IL34: variants seen among roughly 807,000 people sequenced by gnomAD.
IL34 encodes interleukin 34.
In IL34, 17 loss-of-function variants were observed where a neutral mutation model predicts 25.3. The observed-to-expected ratio is 0.67, with a 90% confidence interval of 0.46 to 1.01. IL34 has a LOEUF of 1.01. Among genes scored for constraint, IL34 ranks in the 50% least tolerant of loss-of-function variants. The pLI, the probability that IL34 is intolerant of heterozygous loss-of-function variation, is 0.00. For missense variants in IL34, 368 were observed against 312.9 expected (o/e 1.18, Z -1.33); for synonymous variants, 174 against 140.9 (o/e 1.23, Z -1.66).
chr16:70,660,550 C>G lies in IL34; in HGVS notation c.*363C>G. On this transcript the variant is annotated 3_prime_UTR_variant, in exon 6 of 6. Coordinates refer to ENST00000288098, the MANE Select transcript of IL34 (RefSeq NM_001393494.1). ...GTTGCAGGGGAGACAGCCAGCACGG[C>G]GTGGCCATTCTATGACCCCCCAGCC... The G allele has an allele frequency of 4.8e-6, 1 of 207,522 alleles. No homozygotes were observed. The highest frequency in any genetic ancestry group is 1.7e-3 in the Middle Eastern group (1 of 582). The allele number at this position is 207,522 out of a possible 1,614,324, so 12.9% of individuals were successfully genotyped here.
chr16:70,639,618 G>GGCTTGGGCTTGA (rs11268011), intron 1 of IL34, among the ~76,000 whole-genome samples: 45,140 of 151,626 alleles, frequency 0.3, 6,957 homozygotes, highest in South Asian at 0.46. Context: ...CGTGACGAAG[G>GGCTTGGGCTTGA]GCTTGAGCTT....
chr16:70,639,012 T>A (rs888984683), intron 1 of IL34, among the ~76,000 whole-genome samples: 7 of 152,228 alleles, frequency 4.6e-5, no homozygotes, highest in Non-Finnish European at 8.8e-5. Flanking sequence ...AGTTAGGAAA[T>A]GCTGACTAAG....
chr16:70,659,980 TC>T lies in IL34; in HGVS notation c.539-13del, dbSNP rs1555506755. Reference sequence around the variant, plus strand: ...AACACTGCTGCAGTCTTTTTTTTTTTCCCCTATCTCTTGCAGGTAAACAAAG... The same window carrying T: ...AACACTGCTGCAGTCTTTTTTTTTTTCCCTATCTCTTGCAGGTAAACAAAG... On this transcript the variant is annotated splice_polypyrimidine_tract_variant and intron_variant, in intron 5 of 5. Coordinates refer to ENST00000288098, the MANE Select transcript of IL34 (RefSeq NM_001393494.1). 4 of 1,550,060 alleles carry T rather than the reference TC, an allele frequency of 2.6e-6. No individual in the cohort carries two copies. In the Admixed American group the frequency reaches 6.2e-5, roughly 24 times the overall value.
chr16:70,623,889 G>A (rs923565656), intron 1 of IL34, among the ~76,000 whole-genome samples: 1 of 150,896 alleles, frequency 6.6e-6, no homozygotes, highest in African/African-American at 2.4e-5. Flanking sequence ...ACTCACAACA[G>A]TTATGGAGGC....
At chr16:70,645,828 A>C (rs768774708), upstream of IL34, among the ~76,000 whole-genome samples, 1 of 152,150 alleles carries the variant, frequency 6.6e-6, no homozygotes, top group African/African-American at 2.4e-5. Flanking sequence ...CCAAGACAGC[A>C]GATCACTTGA....
At chr16:70,648,693 T>A (rs1358161825) in intron 1 of IL34, among the ~76,000 whole-genome samples, 4 of 149,936 alleles carry the variant, frequency 2.7e-5, no homozygotes, top group Non-Finnish European at 5.9e-5. Flanking sequence ...GAGCAGCAGA[T>A]TGAGGTGGGG....
At chr16:70,597,419 C>T (rs1163574387) in intron 1 of IL34, among the ~76,000 whole-genome samples, 1 of 152,000 alleles carries the variant, frequency 6.6e-6, no homozygotes, top group East Asian at 1.9e-4. Context: ...TGGGGTCTCT[C>T]CATGTTGCCC....
intron 1 of IL34, among the ~76,000 whole-genome samples, chr16:70,594,597 A>G (rs1239928588): frequency 6.6e-6 from 1 of 152,158 alleles, no homozygotes; most frequent in Non-Finnish European, 1.5e-5. Context: ...TTCAAGCTCA[A>G]TATCTAATCC....
chr16:70,650,070 A>G (rs1408125820), intron 1 of IL34, among the ~76,000 whole-genome samples: 1 of 152,186 alleles, frequency 6.6e-6, no homozygotes, highest in Non-Finnish European at 1.5e-5. Context: ...AAGTGCTGGG[A>G]TTACAGGTGT....
At position 70,660,602 on chromosome 16, in the gene IL34, G is replaced by C. The variant is rs551859819; in HGVS notation, c.*415G>C. On this transcript the variant is annotated 3_prime_UTR_variant, in exon 6 of 6. Coordinates refer to ENST00000288098, the MANE Select transcript of IL34 (RefSeq NM_001393494.1). The stretch of plus-strand genomic sequence containing the variant: ...GGCAGACTGGGGAGCTGGGGGCAGA[G>C]GGCGGTGCCAAGTGCCACATCTTGC... 3.4e-3 allele frequency: 605 copies of C among 177,620 alleles called. 7 individuals are homozygous for C. The highest frequency in any genetic ancestry group is 0.014 in the African/African-American group (585 of 42,472). The allele number at this position is 177,620 out of a possible 1,614,324, so 11.0% of individuals were successfully genotyped here.
At chr16:70,611,418 G>C (rs1037490725) in intron 1 of IL34, among the ~76,000 whole-genome samples, 4 of 152,062 alleles carry the variant, frequency 2.6e-5, no homozygotes, top group Non-Finnish European at 4.4e-5. Context: ...CACCTGCAGG[G>C]GGGCCACTGA....
chr16:70,603,716 C>T (rs1467782003), intron 1 of IL34, among the ~76,000 whole-genome samples: 2 of 152,132 alleles, frequency 1.3e-5, no homozygotes, highest in Admixed American at 6.6e-5. Context: ...ACTGGGAGTA[C>T]ACACAGGTGT....
intron 1 of IL34, among the ~76,000 whole-genome samples, chr16:70,611,564 G>A (rs1208192897): frequency 3.3e-5 from 5 of 152,040 alleles, no homozygotes; most frequent in Non-Finnish European, 7.4e-5. Flanking sequence ...TGAGGCAGGT[G>A]GATCGCTTGA....
chr16:70,636,196 G>T (rs970894572), intron 1 of IL34, among the ~76,000 whole-genome samples: 4 of 151,950 alleles, frequency 2.6e-5, no homozygotes, highest in African/African-American at 7.3e-5. Context: ...GTGCCACCAC[G>T]CCCAGCTAAT....
chr16:70,660,222 A>C lies in IL34; in HGVS notation c.*35A>C. On this transcript the variant is annotated 3_prime_UTR_variant, in exon 6 of 6. Coordinates refer to ENST00000288098, the MANE Select transcript of IL34 (RefSeq NM_001393494.1). Reference sequence around the variant, plus strand: ...ATGGTGACTGCGGATAGGGGCAGCCAGACCAGCTCCCACAGGAGTTCAACT... The same window carrying C: ...ATGGTGACTGCGGATAGGGGCAGCCCGACCAGCTCCCACAGGAGTTCAACT... 1 of 1,517,580 alleles carries C rather than the reference A, an allele frequency of 6.6e-7. No homozygotes were observed. Among genetic ancestry groups the C allele is most frequent in the Non-Finnish European group, 8.8e-7 (1 of 1,134,036 alleles). 94.0% of individuals were successfully genotyped at this position (1,517,580 alleles called of 1,614,324 possible).
chr16:70,624,821 T>A (rs139965532), intron 1 of IL34, among the ~76,000 whole-genome samples: 2 of 150,870 alleles, frequency 1.3e-5, no homozygotes, highest in Non-Finnish European at 2.9e-5. Flanking sequence ...GGACCTAGCT[T>A]GGCCTGGAGA....
upstream of IL34, among the ~76,000 whole-genome samples, chr16:70,643,091 C>A (rs1300147389): frequency 6.6e-6 from 1 of 152,136 alleles, no homozygotes; most frequent in African/African-American, 2.4e-5. Context: ...TGAGACGGAT[C>A]TCACTCTGTC....
intron 1 of IL34, among the ~76,000 whole-genome samples, chr16:70,647,320 G>T (rs1388769606): frequency 6.6e-6 from 1 of 152,200 alleles, no homozygotes; most frequent in African/African-American, 2.4e-5. Flanking sequence ...CCAGTCCTGG[G>T]TATGGCCGGT....
chr16:70,618,229 C>T (rs1017507166), intron 1 of IL34, among the ~76,000 whole-genome samples: 3 of 151,854 alleles, frequency 2.0e-5, no homozygotes, highest in African/African-American at 4.9e-5. Flanking sequence ...GAACCTCCAT[C>T]AATAAATCAA....
Sources: gnomAD v4.1 joint callset for allele counts (sites outside exome capture counted in the v4.1 genomes callset) on GRCh38, gnomAD v4.1.1 for gene constraint, MANE v1.5 for transcripts, NCBI Gene and HGNC (gene_info 2026-07-23, HGNC 2026-07-21) for gene names.